SPACA9: variants seen among roughly 807,000 people sequenced by gnomAD.
The protein encoded by SPACA9 is sperm acrosome-associated protein 9.
In SPACA9, 14 loss-of-function variants were observed where a neutral mutation model predicts 12.5. The ratio of observed to expected loss-of-function variants is 1.12; its 90% confidence interval spans 0.74 to 1.75. The LOEUF is 1.75. SPACA9 is among the 40% of genes most tolerant of loss of function. The probability of loss-of-function intolerance (pLI) is 0.00; values close to 1 mark genes in which losing one functional copy is unlikely to be tolerated. For missense variants in SPACA9, 292 were observed against 291.9 expected (o/e 1.00, Z 0.00); for synonymous variants, 111 against 114.1 (o/e 0.97, Z 0.17).
chr9:132,890,282 T>G (rs1290530349), downstream of SPACA9: 1 of 208,598 alleles, frequency 4.8e-6, no homozygotes, highest in Non-Finnish European at 9.5e-6. Flanking sequence ...AAAACCTGAA[T>G]TTTCCAGAGA....
At chr9:132,878,646 A>C, upstream of SPACA9, 1 of 1,020,196 alleles carries the variant, frequency 9.8e-7, no homozygotes, top group Non-Finnish European at 1.2e-6. This position sits in a 1 kb window ranked among gnomAD's most constrained non-coding sequence, Gnocchi z 4.7. Flanking sequence ...GCCTCAGTTT[A>C]CCCATCTTTA....
At position 132,888,743 on chromosome 9, in the gene SPACA9, G is replaced by A. The variant is rs775239465; in HGVS notation, c.*132G>A. On this transcript the variant is annotated 3_prime_UTR_variant, in exon 4 of 4. Transcript: ENST00000356311. The surrounding 1 kb of genome is among the most constrained non-coding windows in gnomAD (Gnocchi z 5.0). The stretch of plus-strand genomic sequence containing the variant: ...CAAGGGAATCAGCCAATATATTACT[G>A]AGACTTCCTCTCTCTCTTCTTGCTT... The A allele has an allele frequency of 3.3e-4, 472 of 1,429,370 alleles. No individual in the cohort carries two copies. Among genetic ancestry groups the A allele is most frequent in the Non-Finnish European group, 4.2e-4 (460 of 1,092,694 alleles). 88.5% of individuals were successfully genotyped at this position (1,429,370 alleles called of 1,614,324 possible).
chr9:132,884,684 C>A (rs1844516464), intron 2 of SPACA9, among the ~76,000 whole-genome samples: 1 of 152,244 alleles, frequency 6.6e-6, no homozygotes, highest in Non-Finnish European at 1.5e-5. Context: ...CAGGCCGGCC[C>A]TTCACAGCTT....
In SPACA9 at chr9:132,889,779, C is replaced by A. The variant is rs1384280095; in HGVS notation, c.*1168C>A. 2 of 1,302,974 alleles carry A rather than the reference C, an allele frequency of 1.5e-6. No individual in the cohort carries two copies. The highest frequency in any genetic ancestry group is 2.0e-6 in the Non-Finnish European group (2 of 1,013,502). 80.7% of individuals were successfully genotyped at this position (1,302,974 alleles called of 1,614,324 possible). A position where few individuals can be genotyped will look rare whatever the true frequency, so the allele number is the denominator to read the frequency against. ...AAGGGGAATAAACTCACCTTTCCTT[C>A]GCCTTTACTTGGGAGAGGGAGACCA... On this transcript the variant is annotated 3_prime_UTR_variant, in exon 4 of 4. Coordinates refer to ENST00000356311, the MANE Select transcript of SPACA9 (RefSeq NM_001316897.2).
At chr9:132,886,073 T>G (rs1844557638) in intron 2 of SPACA9, among the ~76,000 whole-genome samples, 1 of 152,220 alleles carries the variant, frequency 6.6e-6, no homozygotes, top group African/African-American at 2.4e-5. Context: ...TCAGATTGTT[T>G]GGGGAAACAT....
Position 132,889,179 on chromosome 9 carries a change from C to T in SPACA9, c.*568C>T, listed in dbSNP as rs1190641038. ...AAACAGGATGGTGTGGTAGAGGGTCCCAGGAGGGCACTGAACTGTCACCTA... is the reference window on the plus strand; with the variant it reads ...AAACAGGATGGTGTGGTAGAGGGTCTCAGGAGGGCACTGAACTGTCACCTA... On this transcript the variant is annotated 3_prime_UTR_variant, in exon 4 of 4. Coordinates refer to ENST00000356311, the MANE Select transcript of SPACA9 (RefSeq NM_001316897.2). 1.6e-5 allele frequency: 16 copies of T among 987,956 alleles called. No individual in the cohort carries two copies. The highest frequency in any genetic ancestry group is 1.8e-5 in the Non-Finnish European group (15 of 831,674). The allele number at this position is 987,956 out of a possible 1,614,324, so 61.2% of individuals were successfully genotyped here. A position where few individuals can be genotyped will look rare whatever the true frequency, so the allele number is the denominator to read the frequency against.
chr9:132,885,108 G>A (rs187171117), intron 2 of SPACA9, among the ~76,000 whole-genome samples: 14 of 151,448 alleles, frequency 9.2e-5, no homozygotes, highest in Admixed American at 3.3e-4. Flanking sequence ...GTGAGACTCC[G>A]TCTCAAAAAC....
intron 1 of SPACA9, among the ~76,000 whole-genome samples, chr9:132,880,254 C>CATTT (rs1158260188): frequency 6.6e-6 from 1 of 152,196 alleles, no homozygotes; most frequent in Non-Finnish European, 1.5e-5. Flanking sequence ...TATGGGTAAT[C>CATTT]ATTTTTTTCC....
intron 2 of SPACA9, 62 bp downstream of exon 2, chr9:132,884,153 A>G (rs1844505178): frequency 1.3e-6 from 2 of 1,570,778 alleles, no homozygotes; most frequent in Non-Finnish European, 1.7e-6. Flanking sequence ...CTCACAAAAG[A>G]TGAAACCACT....
chr9:132,878,360 G>A (rs533488444), upstream of SPACA9: 126 of 1,254,692 alleles, frequency 1.0e-4, no homozygotes, highest in Non-Finnish European at 1.2e-4. This position sits in a 1 kb window ranked among gnomAD's most constrained non-coding sequence, Gnocchi z 4.7. Context: ...GCTCCGCGCC[G>A]GGCCCAGATA....
In SPACA9 at chr9:132,889,741, T is replaced by C; in HGVS notation, c.*1130T>C. On this transcript the variant is annotated 3_prime_UTR_variant, in exon 4 of 4. Coordinates refer to ENST00000356311, the MANE Select transcript of SPACA9 (RefSeq NM_001316897.2). ...GAACTCAGTAGTGTGTTTAGTTCTC[T>C]GGACCACAGCCAAAGGGGAATAAAC... 8.0e-7 allele frequency: 1 copy of C among 1,242,562 alleles called. No homozygotes were observed. The highest frequency in any genetic ancestry group is 1.0e-6 in the Non-Finnish European group (1 of 981,088). 77.0% of individuals were successfully genotyped at this position (1,242,562 alleles called of 1,614,324 possible). A position where few individuals can be genotyped will look rare whatever the true frequency, so the allele number is the denominator to read the frequency against.
rs775072275 is a variant in SPACA9, at chr9:132,888,349, G to A, written c.407G>A (p.Gly136Asp). Residue 136 changes from glycine (G) to aspartate (D), a missense_variant, in exon 4 of 4, where the codon GGC (glycine) becomes GAC (aspartate). Physicochemically the swap from Gly to Asp is moderately conservative, Grantham distance 94. Coordinates refer to ENST00000356311, the MANE Select transcript of SPACA9 (RefSeq NM_001316897.2). This position sits in a 1 kb window ranked among gnomAD's most constrained non-coding sequence, Gnocchi z 5.0. The part of the protein sequence containing the change: ...SCDEARNHYG[G>D]VVSLIPLILD... The stretch of plus-strand genomic sequence containing the variant: ...GACGAGGCCCGGAACCACTACGGCG[G>A]CGTGGTCAGCCTCATCCCCCTCATC... The A allele has an allele frequency of 2.5e-6, 4 of 1,614,010 alleles. No individual in the cohort carries two copies. In the East Asian group the frequency reaches 8.9e-5, roughly 36 times the overall value.
At chr9:132,884,576 G>A (rs1844514898) in intron 2 of SPACA9, among the ~76,000 whole-genome samples, 1 of 152,208 alleles carries the variant, frequency 6.6e-6, no homozygotes, top group South Asian at 2.1e-4. Flanking sequence ...AGGGTTAGCT[G>A]CTGTCCAGGT....
At chr9:132,890,101 G>C, downstream of SPACA9, 3 of 1,026,254 alleles carry the variant, frequency 2.9e-6, no homozygotes, top group Non-Finnish European at 3.9e-6. Context: ...GACATCAAAG[G>C]ACACTGGGCA....
chr9:132,880,108 TTTG>T (rs1844359824), intron 1 of SPACA9, among the ~76,000 whole-genome samples: 1 of 152,172 alleles, frequency 6.6e-6, no homozygotes, highest in Non-Finnish European at 1.5e-5. Flanking sequence ...ACTGGAGAGG[TTTG>T]TTTTGCTTCC....
Position 132,889,856 on chromosome 9 carries a change from T to G in SPACA9, c.*1245T>G. ...TGGCTCCTGAGCAAGGGCGATGACC[T>G]GGTTTTCACAGCGTAGTCGAACCCC... On this transcript the variant is annotated 3_prime_UTR_variant, in exon 4 of 4. Coordinates refer to ENST00000356311, the MANE Select transcript of SPACA9 (RefSeq NM_001316897.2). 7.3e-7 allele frequency: 1 copy of G among 1,377,248 alleles called. No homozygotes were observed. The highest frequency in any genetic ancestry group is 9.5e-7 in the Non-Finnish European group (1 of 1,052,630). The allele number at this position is 1,377,248 out of a possible 1,614,324, so 85.3% of individuals were successfully genotyped here. A position where few individuals can be genotyped will look rare whatever the true frequency, so the allele number is the denominator to read the frequency against.
At position 132,889,976 on chromosome 9, in the gene SPACA9, A is replaced by G. The variant is rs377453222; in HGVS notation, c.*1365A>G. 8 of 1,519,252 alleles carry G rather than the reference A, an allele frequency of 5.3e-6. No individual in the cohort carries two copies. In the South Asian group the frequency reaches 9.2e-5, roughly 18 times the overall value. 94.1% of individuals were successfully genotyped at this position (1,519,252 alleles called of 1,614,324 possible). On this transcript the variant is annotated 3_prime_UTR_variant, in exon 4 of 4. Transcript: ENST00000356311. ...TCACAGGGGACGACTTAGCTTCTGT[A>G]TTATTGTTGCTTCCTCAGGGGGAGA...
At position 132,890,003 on chromosome 9, in the gene SPACA9, A is replaced by G. The variant is rs1220549574; in HGVS notation, c.*1392A>G. The G allele has an allele frequency of 1.4e-6, 2 of 1,469,760 alleles. No individual in the cohort carries two copies. Among genetic ancestry groups the G allele is most frequent in the Non-Finnish European group, 1.8e-6 (2 of 1,103,200 alleles). The allele number at this position is 1,469,760 out of a possible 1,614,324, so 91.0% of individuals were successfully genotyped here. ...TATTGTTGCTTCCTCAGGGGGAGAC[A>G]GTCAAGAATAAAAAGTATTCTACCA... On this transcript the variant is annotated 3_prime_UTR_variant, in exon 4 of 4. Coordinates refer to ENST00000356311, the MANE Select transcript of SPACA9 (RefSeq NM_001316897.2).
At chr9:132,886,600 G>A (rs1209651607) in intron 2 of SPACA9, among the ~76,000 whole-genome samples, 1 of 152,192 alleles carries the variant, frequency 6.6e-6, no homozygotes, top group African/African-American at 2.4e-5. Flanking sequence ...AGCCACTGGT[G>A]CCCTGGGCGG....
Sources: allele counts gnomAD v4.1 joint callset (sites outside exome capture counted in the v4.1 genomes callset), GRCh38; gene constraint gnomAD v4.1.1; non-coding constraint Gnocchi (gnomAD v3.1); transcripts MANE v1.5; gene names NCBI Gene and HGNC (gene_info 2026-07-23, HGNC 2026-07-21).